The following POU2AF1 variants were observed in gnomAD, a reference collection of about 807,000 sequenced individuals.
The protein encoded by POU2AF1 is POU class 2 homeobox associating factor 1, also known as POU domain class 2-associating factor 1.
In POU2AF1, 12 loss-of-function variants were observed where a neutral mutation model predicts 26.3. That is an observed-to-expected ratio of 0.46 (90% CI 0.29 to 0.74). POU2AF1 has a LOEUF of 0.74. Ranked by LOEUF, POU2AF1 falls within the 30% of genes least tolerant of loss-of-function variation. The pLI is 0.09. For missense variants in POU2AF1, 297 were observed against 334.5 expected (o/e 0.89, Z 0.87); for synonymous variants, 175 against 148.0 (o/e 1.18, Z -1.32).
intron 1 of POU2AF1, among the ~76,000 whole-genome samples, chr11:111,366,774 T>C (rs1175720000): frequency 6.6e-6 from 1 of 151,542 alleles, no homozygotes; most frequent in Non-Finnish European, 1.5e-5. Flanking sequence ...ATGTTGGAGG[T>C]GACAGCAGAG....
chr11:111,358,770 A>T lies in POU2AF1; in HGVS notation c.147+18T>A. The T allele has an allele frequency of 1.3e-6, 2 of 1,562,832 alleles. No individual in the cohort carries two copies. The highest frequency in any genetic ancestry group is 2.3e-5 in the South Asian group (2 of 86,130). On this transcript the variant is annotated intron_variant, in intron 2 of 4. Coordinates refer to ENST00000393067, the MANE Select transcript of POU2AF1 (RefSeq NM_006235.3). Reference sequence around the variant, plus strand: ...TTCACACACACACACTCACACTCTCACACACACAAACTCTCACCGCCGTAG... The same window carrying T: ...TTCACACACACACACTCACACTCTCTCACACACAAACTCTCACCGCCGTAG...
intron 1 of POU2AF1, among the ~76,000 whole-genome samples, chr11:111,362,361 TG>T (rs1176139048): frequency 1.3e-5 from 2 of 152,360 alleles, no homozygotes; most frequent in East Asian, 3.9e-4. Context: ...CATAAATTAT[TG>T]TTGACTATAG....
intron 1 of POU2AF1, 100 bp downstream of exon 1, chr11:111,379,062 C>T (rs570722278): frequency 1.3e-6 from 2 of 1,494,592 alleles, no homozygotes; most frequent in East Asian, 4.5e-5. Flanking sequence ...CCCGTGGCCC[C>T]ATCACCTCCA....
chr11:111,376,470 A>C (rs1006637361), intron 1 of POU2AF1, among the ~76,000 whole-genome samples: 2 of 152,184 alleles, frequency 1.3e-5, no homozygotes, highest in African/African-American at 4.8e-5. Context: ...CCATCAAGCA[A>C]ATCTCAAATC....
At chr11:111,357,867 A>G in intron 2 of POU2AF1, 30 bp from the exon 3 acceptor site, 5 of 1,588,396 alleles carry the variant, frequency 3.1e-6, no homozygotes, top group Non-Finnish European at 3.4e-6. Context: ...ACCAGGGTCA[A>G]TGTTTAGCCC....
At chr11:111,375,848 T>C (rs1362419024) in intron 1 of POU2AF1, among the ~76,000 whole-genome samples, 2 of 152,228 alleles carry the variant, frequency 1.3e-5, no homozygotes, top group African/African-American at 4.8e-5. Context: ...TACTCAACTC[T>C]GCAAAAGCAG....
intron 1 of POU2AF1, chr11:111,363,260 A>C: frequency 1.7e-5 from 17 of 1,021,894 alleles, no homozygotes; most frequent in Non-Finnish European, 2.0e-5. Context: ...CCAGCTGCCA[A>C]GGAATTCTGT....
intron 1 of POU2AF1, among the ~76,000 whole-genome samples, chr11:111,376,031 T>A (rs1334370813): frequency 3.3e-5 from 5 of 152,230 alleles, no homozygotes. Context: ...TGTGGCTTTT[T>A]AACTATTCTA....
At chr11:111,367,164 C>T (rs1284365831) in intron 1 of POU2AF1, among the ~76,000 whole-genome samples, 2 of 152,126 alleles carry the variant, frequency 1.3e-5, no homozygotes, top group East Asian at 1.9e-4. Context: ...CGGCACTCTC[C>T]GCACCTTCCA....
chr11:111,372,069 C>CAGAGAGAGAGAGAGAG (rs150182572), intron 1 of POU2AF1, among the ~76,000 whole-genome samples: 3 of 144,344 alleles, frequency 2.1e-5, no homozygotes, highest in African/African-American at 5.3e-5. Context: ...CACACACACA[C>CAGAGAGAGAGAGAGAG]AGAGAGAGAG....
At chr11:111,360,309 C>A (rs1860980552) in intron 1 of POU2AF1, among the ~76,000 whole-genome samples, 1 of 152,174 alleles carries the variant, frequency 6.6e-6, no homozygotes, top group Non-Finnish European at 1.5e-5. Flanking sequence ...GTCCCGGAAG[C>A]CTAGGTATCT....
At chr11:111,369,891 G>A (rs1042425899) in intron 1 of POU2AF1, among the ~76,000 whole-genome samples, 1 of 152,230 alleles carries the variant, frequency 6.6e-6, no homozygotes, top group Non-Finnish European at 1.5e-5. Context: ...TGGTTAGGCA[G>A]CTGGAGGAGG....
intron 1 of POU2AF1, among the ~76,000 whole-genome samples, chr11:111,370,492 G>A (rs574107047): frequency 6.6e-6 from 1 of 152,228 alleles, no homozygotes; most frequent in East Asian, 1.9e-4. Flanking sequence ...GCCAGGTCAG[G>A]GGGATCCAGC....
intron 1 of POU2AF1, among the ~76,000 whole-genome samples, chr11:111,361,522 A>C (rs564346921): frequency 1.3e-5 from 2 of 152,356 alleles, no homozygotes; most frequent in South Asian, 2.1e-4. Context: ...CCAAAATAAT[A>C]CATGGGGAGC....
intron 1 of POU2AF1, chr11:111,364,395 C>G (rs538017661): frequency 6.6e-6 from 1 of 152,378 alleles, no homozygotes; most frequent in South Asian, 2.1e-4. Context: ...GCAAAATTGT[C>G]AGCACTTGTT....
chr11:111,375,009 T>A (rs973121549), intron 1 of POU2AF1, among the ~76,000 whole-genome samples: 6 of 152,208 alleles, frequency 3.9e-5, no homozygotes, highest in Non-Finnish European at 5.9e-5. Context: ...TTTTTCTGTT[T>A]GCTAAATCTC....
At chr11:111,378,322 A>C (rs915906475) in intron 1 of POU2AF1, among the ~76,000 whole-genome samples, 3 of 152,326 alleles carry the variant, frequency 2.0e-5, no homozygotes, top group South Asian at 2.1e-4. Context: ...ATTTTTGGTC[A>C]TTCTTCTTGC....
Position 111,358,818 on chromosome 11 carries a change from G to T in POU2AF1, c.117C>A (p.Ala39=). ...KELLRRKRGH[A]SSGAAPAPTA... The stretch of plus-strand genomic sequence containing the variant: ...TAGGTGCAGGTGCTGCCCCACTGCT[G>T]GCGTGGCCTCGCTTCCTCCTCAGCA... Residue 39 remains alanine (A), a synonymous_variant, in exon 2 of 5, where the codon GCC becomes GCA. Transcript: ENST00000393067. The T allele has an allele frequency of 6.2e-7, 1 of 1,605,718 alleles. No individual in the cohort carries two copies.
At chr11:111,372,065 C>G (rs146502558) in intron 1 of POU2AF1, among the ~76,000 whole-genome samples, 98,074 of 144,106 alleles carry the variant, frequency 0.68, 34,085 homozygotes, top group Admixed American at 0.79. Context: ...CACACACACA[C>G]ACACAGAGAG....
Sources: gnomAD v4.1 joint callset for allele counts (sites outside exome capture counted in the v4.1 genomes callset) on GRCh38, gnomAD v4.1.1 for gene constraint, MANE v1.5 for transcripts, NCBI Gene and HGNC (gene_info 2026-07-23, HGNC 2026-07-21) for gene names.